The following XPO4 variants were observed in gnomAD, a reference collection of about 807,000 sequenced individuals.
The protein encoded by XPO4 is exportin 4.
In XPO4, 39 loss-of-function variants were observed where a neutral mutation model predicts 143.0. The ratio of observed to expected loss-of-function variants is 0.27; its 90% CI spans 0.21 to 0.36. XPO4 has a LOEUF of 0.36. Ranked by LOEUF, XPO4 falls within the 10% of genes least tolerant of loss-of-function variation. The pLI, the probability that XPO4 is intolerant of heterozygous loss-of-function variation, is 1.00. For missense variants in XPO4, 907 were observed against 1,348.0 expected, an observed-to-expected ratio of 0.67 and a Z score of 5.12; for synonymous variants, 439 against 474.0, an observed-to-expected ratio of 0.93 and a Z score of 0.96.
At chr13:20,834,531 C>A (rs2059892696) in intron 6 of XPO4, among the ~76,000 whole-genome samples, 1 of 151,540 alleles carries the variant, frequency 6.6e-6, no homozygotes, top group Non-Finnish European at 1.5e-5. Flanking sequence ...CATGATTACA[C>A]CCCTGCACTC....
At chr13:20,842,347 T>C (rs780887951) in intron 6 of XPO4, among the ~76,000 whole-genome samples, 7 of 152,214 alleles carry the variant, frequency 4.6e-5, no homozygotes, top group African/African-American at 1.4e-4. Context: ...GATATATGCA[T>C]TGATAATACA....
At chr13:20,792,762 G>C (rs886120319) in intron 18 of XPO4, among the ~76,000 whole-genome samples, 1 of 145,350 alleles carries the variant, frequency 6.9e-6, no homozygotes, top group African/African-American at 2.5e-5. Flanking sequence ...CCAGTTTCCA[G>C]TTATGCTTTT....
At chr13:20,847,381 G>A (rs1273398369) in intron 4 of XPO4, among the ~76,000 whole-genome samples, 1 of 152,106 alleles carries the variant, frequency 6.6e-6, no homozygotes, top group East Asian at 1.9e-4. Context: ...TTGTAATGAA[G>A]ATAGCTAGGG....
intron 2 of XPO4, among the ~76,000 whole-genome samples, chr13:20,864,987 T>C (rs377654529): frequency 6.6e-6 from 1 of 152,136 alleles, no homozygotes. Flanking sequence ...TTATACATAG[T>C]AGAAATATGC....
Position 20,808,304 on chromosome 13 carries a change from T to C in XPO4, c.1639+132A>G, listed in dbSNP as rs182996896. On this transcript the variant is annotated intron_variant, in intron 12 of 22. Transcript: ENST00000255305. ...TTTTAAAAATGCATCCATAGTTCTATGACAGAAAATGGCTGTATCCAAATT... is the reference window on the plus strand; with the variant it reads ...TTTTAAAAATGCATCCATAGTTCTACGACAGAAAATGGCTGTATCCAAATT... The C allele has an allele frequency of 2.2e-5, 21 of 936,314 alleles. No individual in the cohort carries two copies. The African/African-American group carries it at 3.0e-4, about 13-fold the overall frequency. 58.0% of individuals were successfully genotyped at this position (936,314 alleles called of 1,614,324 possible).
rs2059552987 is a variant in XPO4 at position 20,809,712 on chromosome 13, G to A, written c.1350+79C>T. ...TGAGGGAACCCATCCTAAATTTCTGGCATTATATAATGTGTAACATGGTAA... is the reference window on the plus strand; with the variant it reads ...TGAGGGAACCCATCCTAAATTTCTGACATTATATAATGTGTAACATGGTAA... On this transcript the variant is annotated intron_variant, in intron 10 of 22. Transcript: ENST00000255305. 3 of 1,420,748 alleles carry A rather than the reference G, an allele frequency of 2.1e-6. No homozygotes were observed. In the Admixed American group the frequency reaches 7.7e-5, roughly 37 times the overall value. 88.0% of individuals were successfully genotyped at this position (1,420,748 alleles called of 1,614,324 possible).
chr13:20,884,406 G>GATCCA (rs2060442441), intron 1 of XPO4, among the ~76,000 whole-genome samples: 1 of 151,712 alleles, frequency 6.6e-6, no homozygotes, highest in African/African-American at 2.4e-5. Context: ...AATCCAATCC[G>GATCCA]ATCCGATCCG....
chr13:20,823,294 A>T (rs1046458889), intron 7 of XPO4, among the ~76,000 whole-genome samples: 11 of 152,130 alleles, frequency 7.2e-5, no homozygotes, highest in African/African-American at 2.7e-4. Context: ...AAATTACTTC[A>T]GGTCAGAACA....
chr13:20,787,950 G>A lies in XPO4; in HGVS notation c.3048-352C>T, dbSNP rs370834689. Among the ~76,000 whole-genome samples, 4 of 152,158 alleles carry A rather than the reference G, an allele frequency of 2.6e-5. No individual in the cohort carries two copies. In the East Asian group the frequency reaches 5.8e-4, roughly 22 times the overall value. On this transcript the variant is annotated intron_variant, in intron 20 of 22. Coordinates refer to ENST00000255305, the MANE Select transcript of XPO4 (RefSeq NM_022459.5). ...GATGAAGGGGTAACTTCTGGAACCA[G>A]GGACTGAATGCCTCAGAGATCTATG... is the stretch of plus-strand genomic sequence containing the variant.
In XPO4 at chr13:20,803,091, T is replaced by C. The variant is rs1233278126; in HGVS notation, c.1818-2101A>G. Reference sequence around the variant, plus strand: ...AGATATAAGTACTGAGAAAACTTCATATAAGTAGAACCTATTTTTAAAATC... The same window carrying C: ...AGATATAAGTACTGAGAAAACTTCACATAAGTAGAACCTATTTTTAAAATC... On this transcript the variant is annotated intron_variant, in intron 13 of 22. Coordinates refer to ENST00000255305, the MANE Select transcript of XPO4 (RefSeq NM_022459.5). The surrounding 1 kb of genome is among the most constrained non-coding windows in gnomAD (Gnocchi z 4.1). 2.0e-5 allele frequency among the ~76,000 whole-genome samples: 3 copies of C among 152,218 alleles called. No individual in the cohort carries two copies. The highest frequency in any genetic ancestry group is 4.4e-5 in the Non-Finnish European group (3 of 68,046).
At chr13:20,825,005 A>T (rs912932575) in intron 7 of XPO4, among the ~76,000 whole-genome samples, 2 of 152,218 alleles carry the variant, frequency 1.3e-5, no homozygotes, top group Admixed American at 1.3e-4. Flanking sequence ...CGTGTCAAAG[A>T]GAGAGCCACA....
At chr13:20,808,909 G>T (rs2059540830) in intron 11 of XPO4, among the ~76,000 whole-genome samples, 174 bp downstream of exon 11, 1 of 152,066 alleles carries the variant, frequency 6.6e-6, no homozygotes, top group African/African-American at 2.4e-5. Flanking sequence ...GTAGTGCCTG[G>T]GCTCCAAATG....
At chr13:20,823,673 CAG>C (rs1430454957) in intron 7 of XPO4, among the ~76,000 whole-genome samples, 1 of 150,840 alleles carries the variant, frequency 6.6e-6, no homozygotes, top group Non-Finnish European at 1.5e-5. Flanking sequence ...TCCCCCGAAA[CAG>C]AGTTTCACTC....
intron 4 of XPO4, chr13:20,850,048 G>A (rs1168733924): frequency 3.3e-6 from 3 of 896,992 alleles, no homozygotes; most frequent in Middle Eastern, 5.7e-4. Context: ...GGAGGTTGTA[G>A]TGAGCTGAGT....
chr13:20,862,527 T>C (rs2060210919), intron 3 of XPO4, among the ~76,000 whole-genome samples, 190 bp downstream of exon 3: 1 of 152,102 alleles, frequency 6.6e-6, no homozygotes, highest in African/African-American at 2.4e-5. Context: ...GGGGTCTCAC[T>C]ATGTTGCCCA....
intron 1 of XPO4, among the ~76,000 whole-genome samples, chr13:20,874,119 C>T (rs1040807199): frequency 6.6e-6 from 1 of 152,074 alleles, no homozygotes; most frequent in East Asian, 1.9e-4. Flanking sequence ...TTACTGCTGG[C>T]GACACACAGT....
At chr13:20,899,593 A>G (rs1279974875) in intron 1 of XPO4, among the ~76,000 whole-genome samples, 2 of 152,222 alleles carry the variant, frequency 1.3e-5, no homozygotes, top group Non-Finnish European at 2.9e-5. Context: ...GTACATTTAC[A>G]CCAAAAAATT....
intron 16 of XPO4, among the ~76,000 whole-genome samples, chr13:20,797,366 C>T (rs1440979484): frequency 6.6e-6 from 1 of 152,156 alleles, no homozygotes; most frequent in Non-Finnish European, 1.5e-5. Flanking sequence ...TTTACAAAAT[C>T]AGACAGTAAG....
chr13:20,875,239 T>C (rs907865478), intron 1 of XPO4, among the ~76,000 whole-genome samples: 1 of 152,230 alleles, frequency 6.6e-6, no homozygotes, highest in Non-Finnish European at 1.5e-5. Flanking sequence ...CCAGTGATCC[T>C]ATCTAAATTT....
Sources: gnomAD v4.1 joint callset for allele counts (sites outside exome capture counted in the v4.1 genomes callset) on GRCh38, gnomAD v4.1.1 for gene constraint, Gnocchi (gnomAD v3.1) non-coding constraint, MANE v1.5 for transcripts, NCBI Gene and HGNC (gene_info 2026-07-23, HGNC 2026-07-21) for gene names.